PIAS1: variants seen among roughly 807,000 people sequenced by gnomAD.
The protein encoded by PIAS1 is protein inhibitor of activated STAT 1.
PIAS1 carries 6 observed loss-of-function variants against 71.3 expected under a neutral mutation model. The observed-to-expected ratio is 0.08, with a 90% CI of 0.05 to 0.17. The LOEUF is 0.17. Ranked by LOEUF, PIAS1 falls within the 10% of genes least tolerant of loss-of-function variation. The pLI is 1.00. For missense variants in PIAS1, 555 were observed against 793.6 expected, an observed-to-expected ratio of 0.70 and a Z score of 3.61; for synonymous variants, 303 against 292.9, an observed-to-expected ratio of 1.03 and a Z score of -0.35.
intron 1 of PIAS1, among the ~76,000 whole-genome samples, chr15:68,063,516 A>C (rs554019567): frequency 6.6e-5 from 10 of 152,130 alleles, no homozygotes; most frequent in Non-Finnish European, 1.3e-4. Context: ...TATTTATCAC[A>C]TTCTGTTATT....
At chr15:68,065,836 G>T (rs1159889109) in intron 1 of PIAS1, among the ~76,000 whole-genome samples, 1 of 143,250 alleles carries the variant, frequency 7.0e-6, no homozygotes, top group Non-Finnish European at 1.5e-5. Flanking sequence ...GAACTCCTGG[G>T]CTCAAATGAT....
chr15:68,116,126 T>C lies in PIAS1; in HGVS notation c.470-25820T>C, dbSNP rs193050852. On this transcript the variant is annotated intron_variant, in intron 2 of 13. Coordinates refer to ENST00000249636, the MANE Select transcript of PIAS1 (RefSeq NM_016166.3). ...TTTGTGTAGAATCAATATTTTTTCT[T>C]GTCAGGTAGAATTCTTCAGTGTTTT... 2.0e-5 allele frequency among the ~76,000 whole-genome samples: 3 copies of C among 152,150 alleles called. No individual in the cohort carries two copies. The East Asian group carries it at 5.8e-4, about 29-fold the overall frequency.
At chr15:68,175,573 CTT>C (rs1201148574) in intron 9 of PIAS1, 62 bp from the exon 10 acceptor site, 35 of 852,576 alleles carry the variant, frequency 4.1e-5, no homozygotes, top group East Asian at 2.7e-4. Context: ...ATAAATATAA[CTT>C]AAGTTGTTCA....
chr15:68,110,746 A>T (rs117399693), intron 2 of PIAS1, among the ~76,000 whole-genome samples: 1,709 of 152,244 alleles, frequency 0.011, 22 homozygotes, highest in Non-Finnish European at 0.019. Flanking sequence ...CTCCAGAAAA[A>T]AAAAAGGTAT....
chr15:68,135,496 A>AC (rs1232582260), intron 2 of PIAS1, among the ~76,000 whole-genome samples: 761 of 12,906 alleles, frequency 0.059, 196 homozygotes, highest in African/African-American at 0.13. Context: ...GGGGGGGCTA[A>AC]CCCCCCCCAC....
At chr15:68,125,402 G>A (rs1048821922) in intron 2 of PIAS1, among the ~76,000 whole-genome samples, 1 of 152,046 alleles carries the variant, frequency 6.6e-6, no homozygotes, top group African/African-American at 2.4e-5. Context: ...TTTGCCTCTT[G>A]CCTGTGTTAA....
rs187819956 is a variant in PIAS1, at chr15:68,160,546, T to G, written c.935-4185T>G. On this transcript the variant is annotated intron_variant, in intron 7 of 13. Coordinates refer to ENST00000249636, the MANE Select transcript of PIAS1 (RefSeq NM_016166.3). ...TTGAAATCAGTTAGAATTCTCCAAT[T>G]TTGTTTTTCTTTTTCAGAATTGTTT... is the stretch of plus-strand genomic sequence containing the variant. Among the ~76,000 whole-genome samples the G allele has an allele frequency of 5.9e-5, 9 of 152,254 alleles. No homozygotes were observed. The East Asian group carries it at 1.7e-3, about 29-fold the overall frequency.
At chr15:68,083,052 G>T (rs2092243237) in intron 1 of PIAS1, among the ~76,000 whole-genome samples, 1 of 152,164 alleles carries the variant, frequency 6.6e-6, no homozygotes, top group African/African-American at 2.4e-5. Flanking sequence ...TGAGGACGTA[G>T]AGTCAGCAGA....
chr15:68,078,616 T>C (rs904613093), intron 1 of PIAS1, among the ~76,000 whole-genome samples: 1 of 152,180 alleles, frequency 6.6e-6, no homozygotes, highest in African/African-American at 2.4e-5. Flanking sequence ...TGATAAGACA[T>C]TGTATTAGTT....
chr15:68,156,532 C>T (rs777222348), intron 7 of PIAS1, among the ~76,000 whole-genome samples: 1 of 151,634 alleles, frequency 6.6e-6, no homozygotes, highest in Non-Finnish European at 1.5e-5. Flanking sequence ...CATGGTGAAA[C>T]CCTGTCTCTA....
At chr15:68,156,922 A>G (rs1212379534) in intron 7 of PIAS1, among the ~76,000 whole-genome samples, 2 of 152,216 alleles carry the variant, frequency 1.3e-5, no homozygotes, top group Admixed American at 1.3e-4. Context: ...AGGCTAATGC[A>G]GTGAGGCCAG....
chr15:68,119,237 C>CAAAAAAAA (rs60879036), intron 2 of PIAS1, among the ~76,000 whole-genome samples: 1,054 of 27,406 alleles, frequency 0.038, 415 homozygotes, highest in Middle Eastern at 0.12. Context: ...CCATCTCTAC[C>CAAAAAAAA]AAAAAAAAAA....
Position 68,169,470 on chromosome 15 carries a change from T to C in PIAS1, c.1009-4262T>C, listed in dbSNP as rs74718269. Reference sequence around the variant, plus strand: ...GTGCAGATCACTTGATGCCAGGAGTTTGAGACCGGTGTGGCCAACATGGCG... The same window carrying C: ...GTGCAGATCACTTGATGCCAGGAGTCTGAGACCGGTGTGGCCAACATGGCG... On this transcript the variant is annotated intron_variant, in intron 8 of 13. Coordinates refer to ENST00000249636, the MANE Select transcript of PIAS1 (RefSeq NM_016166.3). Among the ~76,000 whole-genome samples, 930 of 152,320 alleles carry C rather than the reference T, an allele frequency of 6.1e-3. 3 individuals carry two copies. Among genetic ancestry groups the C allele is most frequent in the East Asian group, 0.032 (168 of 5,184 alleles).
At chr15:68,151,748 T>G (rs952444834) in intron 6 of PIAS1, among the ~76,000 whole-genome samples, 1 of 148,712 alleles carries the variant, frequency 6.7e-6, no homozygotes, top group Non-Finnish European at 1.5e-5. Context: ...TAGTCCCAGT[T>G]ACTTGGGATG....
chr15:68,107,273 A>G (rs914947199), intron 2 of PIAS1, among the ~76,000 whole-genome samples: 1 of 152,138 alleles, frequency 6.6e-6, no homozygotes, highest in Non-Finnish European at 1.5e-5. Flanking sequence ...CACTCTGATC[A>G]TTGTTCCTAG....
At chr15:68,140,667 G>A (rs906701933) in intron 2 of PIAS1, among the ~76,000 whole-genome samples, 15 of 152,102 alleles carry the variant, frequency 9.9e-5, no homozygotes, top group Non-Finnish European at 2.9e-5. Context: ...TTAATGATAC[G>A]TTTGGTATCG....
rs1164126789 is a variant in PIAS1 at position 68,175,810 on chromosome 15, C to T, written c.1300+43C>T. On this transcript the variant is annotated intron_variant, in intron 10 of 13. Coordinates refer to ENST00000249636, the MANE Select transcript of PIAS1 (RefSeq NM_016166.3). The stretch of plus-strand genomic sequence containing the variant: ...AGGAAGAGGCAGTCTCCCTACTGCT[C>T]TAAGTCTGGTTTTCAATATTAAAAT... 42 of 1,401,950 alleles carry T rather than the reference C, an allele frequency of 3.0e-5. No individual in the cohort carries two copies. In the Admixed American group the frequency reaches 9.8e-4, roughly 33 times the overall value. 86.8% of individuals were successfully genotyped at this position (1,401,950 alleles called of 1,614,324 possible).
chr15:68,180,728 G>A (rs975318612), intron 11 of PIAS1, among the ~76,000 whole-genome samples: 1 of 152,166 alleles, frequency 6.6e-6, no homozygotes, highest in Non-Finnish European at 1.5e-5. Flanking sequence ...AATCTGAGGG[G>A]CCAGCTGGTA....
chr15:68,186,635 C>T lies in PIAS1; in HGVS notation c.1663-907C>T, dbSNP rs1021920609. Reference sequence around the variant, plus strand: ...TTCACTCACCATTCACTCACTGGCTCACCCAGAGCAACTTCCAGTACTGCA... The same window carrying T: ...TTCACTCACCATTCACTCACTGGCTTACCCAGAGCAACTTCCAGTACTGCA... On this transcript the variant is annotated intron_variant, in intron 13 of 13. Coordinates refer to ENST00000249636, the MANE Select transcript of PIAS1 (RefSeq NM_016166.3). The surrounding 1 kb of genome is among the most constrained non-coding windows in gnomAD (Gnocchi z 4.4). Among the ~76,000 whole-genome samples the T allele has an allele frequency of 2.0e-5, 3 of 152,232 alleles. No individual in the cohort carries two copies. Among genetic ancestry groups the T allele is most frequent in the African/African-American group, 7.2e-5 (3 of 41,456 alleles).
Sources: gnomAD v4.1 joint callset for allele counts (sites outside exome capture counted in the v4.1 genomes callset) on GRCh38, gnomAD v4.1.1 for gene constraint, Gnocchi (gnomAD v3.1) non-coding constraint, MANE v1.5 for transcripts, NCBI Gene and HGNC (gene_info 2026-07-23, HGNC 2026-07-21) for gene names.